The following ENPEP variants were observed in gnomAD, a reference collection of about 807,000 sequenced individuals.
ENPEP encodes the protein glutamyl aminopeptidase.
A neutral mutation model predicts 114.5 loss-of-function variants in ENPEP; 103 were observed. That is an observed-to-expected ratio of 0.90 (90% CI 0.77 to 1.06). The LOEUF is 1.06. Ranked by LOEUF, ENPEP falls within the 50% of genes least tolerant of loss-of-function variation. The probability of loss-of-function intolerance (pLI) is 0.00; values close to 1 mark genes in which losing one functional copy is unlikely to be tolerated. For missense variants in ENPEP, 1,196 were observed against 1,161.3 expected (o/e 1.03, Z -0.43); for synonymous variants, 420 against 422.0 (o/e 1.00, Z 0.06).
At chr4:110,533,832 T>A (rs1386509801) in intron 11 of ENPEP, among the ~76,000 whole-genome samples, 1 of 152,222 alleles carries the variant, frequency 6.6e-6, no homozygotes, top group Admixed American at 6.5e-5. Flanking sequence ...GCTTATTTGT[T>A]ATTGTTGTTC....
intron 4 of ENPEP, among the ~76,000 whole-genome samples, chr4:110,508,711 C>T (rs140361373): frequency 3.6e-4 from 55 of 152,046 alleles, no homozygotes; most frequent in African/African-American, 1.0e-3. Flanking sequence ...CTCAGGAGGC[C>T]GAGGCTGGAG....
intron 1 of ENPEP, among the ~76,000 whole-genome samples, 198 bp downstream of exon 1, chr4:110,477,256 A>T (rs575588331): frequency 6.6e-6 from 1 of 152,296 alleles, no homozygotes; most frequent in South Asian, 2.1e-4. Flanking sequence ...TAAAACTTGA[A>T]AGTAGTGAAT....
intron 1 of ENPEP, among the ~76,000 whole-genome samples, chr4:110,485,912 A>G (rs1484107451): frequency 4.6e-5 from 7 of 151,904 alleles, no homozygotes. Context: ...GGTTTGAACT[A>G]TTATTACTGA....
At chr4:110,510,199 C>T (rs1217245079) in intron 5 of ENPEP, 46 bp from the exon 6 acceptor site, 31 of 1,498,792 alleles carry the variant, frequency 2.1e-5, no homozygotes, top group Non-Finnish European at 2.8e-5. Context: ...GCCTCTCTAC[C>T]ATACCCATAA....
rs141205275 is a variant in ENPEP at position 110,553,455 on chromosome 4, G to A, written c.2642G>A (p.Arg881Lys). Residue 881 changes from arginine to lysine, a missense_variant and splice_region_variant, in exon 18 of 20, where the codon AGA (arginine) becomes AAA (lysine). Coordinates refer to ENST00000265162, the MANE Select transcript of ENPEP (RefSeq NM_001977.4). ...CTCAACTGGGACTATCTAGTCAACA[G>A]GTGGGATGATCTGATGATGGTCTGC... is the stretch of plus-strand genomic sequence containing the variant. ...IQLNWDYLVN[R>K]YTLNNRNLGR... The A allele has an allele frequency of 7.0e-5, 112 of 1,606,294 alleles. No individual in the cohort carries two copies. The highest frequency in any genetic ancestry group is 4.9e-4 in the East Asian group (22 of 44,778).
chr4:110,535,284 T>C (rs975108717), intron 11 of ENPEP, among the ~76,000 whole-genome samples: 8 of 152,194 alleles, frequency 5.3e-5, no homozygotes, highest in African/African-American at 1.7e-4. Flanking sequence ...GTCCTCTGGA[T>C]GGTTTGGACT....
chr4:110,519,906 G>C (rs76487110), intron 8 of ENPEP, 102 bp from the exon 9 acceptor site: 1 of 971,818 alleles, frequency 1.0e-6, no homozygotes, highest in Non-Finnish European at 1.6e-6. Flanking sequence ...CTGGTTTTGC[G>C]CAATGGAGGT....
At chr4:110,495,083 T>A (rs1724874942) in intron 3 of ENPEP, among the ~76,000 whole-genome samples, 2 of 152,004 alleles carry the variant, frequency 1.3e-5, no homozygotes. Flanking sequence ...CCTGCAGGAG[T>A]CATCAGAGAG....
At chr4:110,499,883 G>T (rs867962994) in intron 3 of ENPEP, 1 of 152,088 alleles carries the variant, frequency 6.6e-6, no homozygotes, top group South Asian at 2.1e-4. Flanking sequence ...AATAATTCTG[G>T]ATTCATAGAA....
intron 3 of ENPEP, among the ~76,000 whole-genome samples, chr4:110,493,883 TA>T (rs1317818569): frequency 6.6e-6 from 1 of 152,018 alleles, no homozygotes; most frequent in African/African-American, 2.4e-5. Context: ...TCTTAGAACT[TA>T]ACAGACAAGC....
chr4:110,556,548 A>C (rs1431272838), intron 18 of ENPEP, among the ~76,000 whole-genome samples: 2 of 152,084 alleles, frequency 1.3e-5, no homozygotes, highest in Non-Finnish European at 2.9e-5. Flanking sequence ...CCCTACAACT[A>C]TACGTAGTGT....
At chr4:110,552,007 A>G (rs1182050441) in intron 17 of ENPEP, among the ~76,000 whole-genome samples, 1 of 152,156 alleles carries the variant, frequency 6.6e-6, no homozygotes, top group Non-Finnish European at 1.5e-5. Context: ...CAGTGGTCCC[A>G]GTCACTTGCT....
At chr4:110,490,770 A>G (rs373250060) in intron 2 of ENPEP, among the ~76,000 whole-genome samples, 9 of 152,176 alleles carry the variant, frequency 5.9e-5, no homozygotes, top group African/African-American at 2.2e-4. Flanking sequence ...ATAAACTCCT[A>G]TTTAACTGAT....
rs1389484944 is a variant in ENPEP at position 110,520,001 on chromosome 4, C to T, written c.1510-7C>T. 2 of 1,610,964 alleles carry T rather than the reference C, an allele frequency of 1.2e-6. No individual in the cohort carries two copies. On this transcript the variant is annotated splice_polypyrimidine_tract_variant and splice_region_variant and intron_variant, in intron 8 of 19. Transcript: ENST00000265162. ...CTTCTAACATGCTGATTATTTTTTACACACAGATGTACTTGGAAAAATACC... is the reference window on the plus strand; with the variant it reads ...CTTCTAACATGCTGATTATTTTTTATACACAGATGTACTTGGAAAAATACC...
chr4:110,530,330 A>G (rs745834852), intron 10 of ENPEP, among the ~76,000 whole-genome samples: 4 of 152,196 alleles, frequency 2.6e-5, no homozygotes, highest in Non-Finnish European at 5.9e-5. Context: ...TGAATGACAT[A>G]CATTTTGTTA....
At chr4:110,548,666 G>C (rs1727170251) in intron 14 of ENPEP, among the ~76,000 whole-genome samples, 7 of 152,018 alleles carry the variant, frequency 4.6e-5, no homozygotes, top group Admixed American at 4.6e-4. Context: ...CTATGTTAAA[G>C]TGAATTATTC....
rs780539490 is a variant in ENPEP, at chr4:110,488,593, T to C, written c.697T>C (p.Cys233Arg). The part of the protein sequence containing the change: ...EPTDARKSFP[C>R]FDEPNKKATY... The stretch of plus-strand genomic sequence containing the variant: ...AACAGATGCCAGGAAATCTTTTCCT[T>C]GTTTTGATGAGCCCAACAAAAAGGC... Residue 233 changes from cysteine to arginine, a missense_variant, in exon 2 of 20, where the codon TGT (cysteine) becomes CGT (arginine). By Grantham distance (180) the Cys-to-Arg change is radical. Coordinates refer to ENST00000265162, the MANE Select transcript of ENPEP (RefSeq NM_001977.4). The C allele has an allele frequency of 6.2e-7, 1 of 1,614,012 alleles. No individual in the cohort carries two copies. Among genetic ancestry groups the C allele is most frequent in the Non-Finnish European group, 8.5e-7 (1 of 1,179,982 alleles).
intron 8 of ENPEP, chr4:110,515,903 A>G: frequency 2.3e-6 from 1 of 438,284 alleles, no homozygotes; most frequent in Non-Finnish European, 4.6e-6. Context: ...AGAGAGGGAG[A>G]GAGAGAGAGC....
chr4:110,502,168 G>A (rs111659829), intron 3 of ENPEP, among the ~76,000 whole-genome samples: 4 of 152,128 alleles, frequency 2.6e-5, no homozygotes, highest in African/African-American at 9.7e-5. Context: ...GTTCTTTACA[G>A]ATTCTGGATA....
Sources: gnomAD v4.1 joint callset for allele counts (sites outside exome capture counted in the v4.1 genomes callset) on GRCh38, gnomAD v4.1.1 for gene constraint, MANE v1.5 for transcripts, NCBI Gene and HGNC (gene_info 2026-07-23, HGNC 2026-07-21) for gene names.